PCDH11X: variants seen among roughly 807,000 people sequenced by gnomAD.
PCDH11X encodes the protein protocadherin 11 X-linked, also known as protocadherin-11 X-linked.
A neutral mutation model predicts 53.3 loss-of-function variants in PCDH11X; 18 were observed. The observed-to-expected ratio is 0.34, with a 90% CI of 0.23 to 0.50. The LOEUF (loss-of-function observed/expected upper bound fraction) is 0.50, where lower values mean the gene tolerates loss of function less well. Among genes scored for constraint, PCDH11X ranks in the 20% least tolerant of loss-of-function variants. The pLI is 0.98. For missense variants in PCDH11X, 570 were observed against 1,032.4 expected, an observed-to-expected ratio of 0.55 and a Z score of 6.14; for synonymous variants, 279 against 393.3, an observed-to-expected ratio of 0.71 and a Z score of 3.44.
chrX:92,274,552 A>T lies in PCDH11X; in HGVS notation c.3144+11409A>T, dbSNP rs1316410166. On this transcript the variant is annotated intron_variant, in intron 8 of 10. Coordinates refer to ENST00000682573, the MANE Select transcript of PCDH11X (RefSeq NM_032968.5). ...ACCTAGACTAAGAGGTATTTTAGTT[A>T]TCTGACTCCGGACATGTTGAGTAAA... 3.6e-5 allele frequency among the ~76,000 whole-genome samples: 4 copies of T among 111,261 alleles called. No homozygotes were observed. In the South Asian group the frequency reaches 1.5e-3, roughly 42 times the overall value.
intron 10 of PCDH11X, among the ~76,000 whole-genome samples, chrX:92,496,691 C>A (rs1158365400): frequency 1.9e-5 from 2 of 107,894 alleles, no homozygotes; most frequent in Non-Finnish European, 3.8e-5. Flanking sequence ...GGGACAAGCC[C>A]AGATATGTAA....
chrX:91,882,102 GT>G (rs1188423452), intron 6 of PCDH11X, among the ~76,000 whole-genome samples: 1 of 109,891 alleles, frequency 9.1e-6, no homozygotes, highest in East Asian at 2.9e-4. Flanking sequence ...TGACTTGGAT[GT>G]TCTGAAAATA....
chrX:92,373,285 G>C (rs1462981184), intron 8 of PCDH11X, among the ~76,000 whole-genome samples: 7 of 111,477 alleles, frequency 6.3e-5, no homozygotes, highest in Non-Finnish European at 1.1e-4. Flanking sequence ...AAGGCAAAGG[G>C]GTTTGGGCTA....
intron 4 of PCDH11X, among the ~76,000 whole-genome samples, chrX:91,832,527 A>G (rs1357235451): frequency 9.7e-6 from 1 of 103,043 alleles, no homozygotes. Flanking sequence ...TAGCATTAGG[A>G]GATATACCTA....
chrX:92,320,863 A>G (rs1226997923), intron 8 of PCDH11X, among the ~76,000 whole-genome samples: 1 of 110,622 alleles, frequency 9.0e-6, no homozygotes. Flanking sequence ...AACAGGTTAC[A>G]GGAGGAGCTA....
intron 6 of PCDH11X, among the ~76,000 whole-genome samples, chrX:92,078,948 C>T: frequency 9.1e-6 from 1 of 109,952 alleles, no homozygotes; most frequent in Non-Finnish European, 1.9e-5. Context: ...GTTATAAGAG[C>T]CCAAGGAATC....
chrX:91,850,781 A>G (rs1937963103), intron 5 of PCDH11X, among the ~76,000 whole-genome samples: 1 of 110,282 alleles, frequency 9.1e-6, no homozygotes, highest in Non-Finnish European at 1.9e-5. Flanking sequence ...GTTTACCTAT[A>G]TATGTCCTTA....
rs765223639 is a variant in PCDH11X, at chrX:92,115,828, C to T, written c.3034-85547C>T. ...GGTGATTGGATGATGCCCACCCAGA[C>T]TGAGGGTGAGTTGGCCTTTCCCAGT... is the stretch of plus-strand genomic sequence containing the variant. On this transcript the variant is annotated intron_variant, in intron 6 of 10. Transcript: ENST00000682573. 2.4e-3 allele frequency among the ~76,000 whole-genome samples: 258 copies of T among 108,712 alleles called. 1 individual carries two copies. Among genetic ancestry groups the T allele is most frequent in the African/African-American group, 8.3e-3 (249 of 29,918 alleles). The allele number at this position is 108,712 out of a possible 115,157, so 94.4% of individuals were successfully genotyped here.
At chrX:91,888,337 G>T (rs1480491479) in intron 6 of PCDH11X, among the ~76,000 whole-genome samples, 1 of 111,538 alleles carries the variant, frequency 9.0e-6, no homozygotes, top group Admixed American at 9.6e-5. Context: ...ACTATCTTTT[G>T]AATACAGTTG....
intron 6 of PCDH11X, among the ~76,000 whole-genome samples, chrX:91,991,818 T>G (rs749867242): frequency 2.3e-4 from 25 of 110,820 alleles, no homozygotes; most frequent in African/African-American, 7.5e-4. Context: ...ATTTTTTAAT[T>G]TCTTTTTTTT....
chrX:91,781,663 T>C (rs868640509), intron 1 of PCDH11X, among the ~76,000 whole-genome samples: 55 of 109,970 alleles, frequency 5.0e-4, no homozygotes, highest in Middle Eastern at 4.8e-3. Flanking sequence ...TGTGTGTGTG[T>C]GCGCGTGTGT....
intron 10 of PCDH11X, among the ~76,000 whole-genome samples, chrX:92,572,263 A>C (rs1346736203): frequency 9.0e-6 from 1 of 111,272 alleles, no homozygotes; most frequent in African/African-American, 3.3e-5. Flanking sequence ...AGTTGAGAGC[A>C]GTTCTTAGTA....
chrX:92,122,457 T>G (rs1034878174), intron 6 of PCDH11X, among the ~76,000 whole-genome samples: 1 of 111,946 alleles, frequency 8.9e-6, no homozygotes, highest in Non-Finnish European at 1.9e-5. Context: ...AGTCTTTAGT[T>G]CATAATGTGT....
At chrX:91,857,374 T>C (rs1288242069) in intron 5 of PCDH11X, among the ~76,000 whole-genome samples, 2 of 111,478 alleles carry the variant, frequency 1.8e-5, no homozygotes, top group African/African-American at 6.5e-5. Flanking sequence ...ACCATATTTT[T>C]CTGCCCCTGG....
intron 7 of PCDH11X, among the ~76,000 whole-genome samples, chrX:92,254,822 A>G (rs1421416329): frequency 4.1e-4 from 45 of 109,933 alleles, no homozygotes; most frequent in Non-Finnish European, 4.9e-4. Flanking sequence ...TGTTAGTCTG[A>G]TGTGCTTCCC....
intron 7 of PCDH11X, among the ~76,000 whole-genome samples, chrX:92,219,157 C>T (rs1210499775): frequency 9.0e-6 from 1 of 111,002 alleles, no homozygotes; most frequent in Non-Finnish European, 1.9e-5. Context: ...TGCCCTCTCT[C>T]ACCACTCCTA....
intron 8 of PCDH11X, among the ~76,000 whole-genome samples, chrX:92,317,807 C>T (rs951680372): frequency 7.3e-4 from 81 of 111,407 alleles, no homozygotes; most frequent in African/African-American, 2.3e-3. Context: ...TACATAACTT[C>T]TCTAAAACTC....
intron 7 of PCDH11X, among the ~76,000 whole-genome samples, chrX:92,202,301 G>T (rs12862431): frequency 0.13 from 14,263 of 110,583 alleles, 901 homozygotes; most frequent in South Asian, 0.24. Flanking sequence ...CTAGAGGAAG[G>T]TCATATACCA....
At chrX:92,424,653 G>A (rs1198137990) in intron 9 of PCDH11X, among the ~76,000 whole-genome samples, 3 of 97,018 alleles carry the variant, frequency 3.1e-5, no homozygotes, top group African/African-American at 1.0e-4. Context: ...TACCTCTGTC[G>A]AGCTTTGCAA....
Sources: gnomAD v4.1 joint callset for allele counts (sites outside exome capture counted in the v4.1 genomes callset) on GRCh38, gnomAD v4.1.1 for gene constraint, MANE v1.5 for transcripts, NCBI Gene and HGNC (gene_info 2026-07-23, HGNC 2026-07-21) for gene names.